ZNF599: variants seen among roughly 807,000 people sequenced by gnomAD.
ZNF599 encodes zinc finger protein 599.
Under a neutral mutation model 11.7 loss-of-function variants are expected in ZNF599, and 10 were observed. The observed-to-expected ratio is 0.86, with a 90% confidence interval of 0.53 to 1.45. ZNF599 has a LOEUF of 1.45. Among genes scored for constraint, ZNF599 ranks in the 40% most tolerant of loss-of-function variants. The probability of loss-of-function intolerance (pLI) is 0.00; values close to 1 mark genes in which losing one functional copy is unlikely to be tolerated. For missense variants in ZNF599, 688 were observed against 713.6 expected (o/e 0.96, Z 0.41); for synonymous variants, 232 against 253.2 (o/e 0.92, Z 0.79).
At chr19:34,762,558 T>G (rs2069119536) in intron 3 of ZNF599, among the ~76,000 whole-genome samples, 2 of 152,160 alleles carry the variant, frequency 1.3e-5, no homozygotes, top group African/African-American at 4.8e-5. Context: ...GCATTGTTTG[T>G]GATAACAAAA....
chr19:34,773,215 G>A lies in ZNF599; in HGVS notation c.-374C>T, dbSNP rs2069197975. 3.9e-6 allele frequency: 1 copy of A among 258,388 alleles called. No homozygotes were observed. The highest frequency in any genetic ancestry group is 6.9e-5 in the East Asian group (1 of 14,490). 16.0% of individuals were successfully genotyped at this position (258,388 alleles called of 1,614,324 possible). A position where few individuals can be genotyped will look rare whatever the true frequency, so the allele number is the denominator to read the frequency against. On this transcript the variant is annotated 5_prime_UTR_variant, in exon 1 of 4. Transcript: ENST00000329285. ...TAACGGCGGACGAAGACTGGACGCC[G>A]GAAGTCCCGCCCACGCCGCTACGGG...
At chr19:34,769,277 G>T in intron 2 of ZNF599, 152 bp downstream of exon 2, 1 of 918,654 alleles carries the variant, frequency 1.1e-6, no homozygotes, top group Non-Finnish European at 1.6e-6. Context: ...GAGACACAGG[G>T]AAACCCAGCA....
At chr19:34,781,751 C>T in the ZNF599 span, among the ~76,000 whole-genome samples, 2 of 152,142 alleles carry the variant, frequency 1.3e-5, no homozygotes, top group Non-Finnish European at 2.9e-5. Context: ...AAACATGAGC[C>T]CTAAGGGTGT....
chr19:34,800,288 G>T, the ZNF599 span, among the ~76,000 whole-genome samples: 1 of 152,128 alleles, frequency 6.6e-6, no homozygotes, highest in Non-Finnish European at 1.5e-5. Context: ...TTGCTCTGAA[G>T]TCTGATATTA....
At chr19:34,763,535 G>C (rs536922072) in intron 3 of ZNF599, 7 of 152,318 alleles carry the variant, frequency 4.6e-5, no homozygotes, top group African/African-American at 1.7e-4. Flanking sequence ...AGCACAAAGT[G>C]AGAAGGCGGC....
At chr19:34,794,762 C>T in the ZNF599 span, among the ~76,000 whole-genome samples, 24 of 151,852 alleles carry the variant, frequency 1.6e-4, no homozygotes, top group African/African-American at 3.6e-4. Context: ...GTAGAGACAG[C>T]GTTTCACCAT....
At chr19:34,762,017 A>G (rs1387218066) in intron 3 of ZNF599, among the ~76,000 whole-genome samples, 2 of 152,220 alleles carry the variant, frequency 1.3e-5, no homozygotes, top group Non-Finnish European at 2.9e-5. Flanking sequence ...ACAAAGAGGG[A>G]CTTCACAAGA....
In ZNF599 at chr19:34,772,963, G is replaced by A. The variant is rs2069194821; in HGVS notation, c.-122C>T. ...CTCAGTCCCCGCCGTCGTGTAAAAT[G>A]CACACAAGGTTCGCGGCGCCGCCTC... On this transcript the variant is annotated 5_prime_UTR_variant, in exon 1 of 4. Transcript: ENST00000329285. The A allele has an allele frequency of 8.2e-7, 1 of 1,213,070 alleles. No homozygotes were observed. The highest frequency in any genetic ancestry group is 1.7e-5 in the South Asian group (1 of 59,272). 75.1% of individuals were successfully genotyped at this position (1,213,070 alleles called of 1,614,324 possible).
chr19:34,784,197 G>A, the ZNF599 span, among the ~76,000 whole-genome samples: 1 of 152,074 alleles, frequency 6.6e-6, no homozygotes, highest in Non-Finnish European at 1.5e-5. Flanking sequence ...GCAATCCCTG[G>A]CATTCCTTGG....
the ZNF599 span, among the ~76,000 whole-genome samples, chr19:34,803,827 C>T: frequency 6.6e-6 from 1 of 152,164 alleles, no homozygotes; most frequent in African/African-American, 2.4e-5. Flanking sequence ...GTCCCAAATA[C>T]CAGAGCCCTA....
the ZNF599 span, among the ~76,000 whole-genome samples, chr19:34,778,950 T>A: frequency 6.6e-6 from 1 of 152,028 alleles, no homozygotes; most frequent in Non-Finnish European, 1.5e-5. Flanking sequence ...AAATCATGAG[T>A]CTTTACAGAA....
chr19:34,770,012 T>C (rs753951384), intron 1 of ZNF599, among the ~76,000 whole-genome samples: 3 of 152,238 alleles, frequency 2.0e-5, no homozygotes, highest in Non-Finnish European at 2.9e-5. Flanking sequence ...CTGCCAGATG[T>C]GTGACCTTGG....
chr19:34,759,195 CA>C lies in ZNF599; in HGVS notation c.1605del (p.Phe535LeufsTer16). 3 of 1,614,046 alleles carry C rather than the reference CA, an allele frequency of 1.9e-6. No individual in the cohort carries two copies. In the South Asian group the frequency reaches 3.3e-5, roughly 18 times the overall value. On this transcript the variant is annotated frameshift_variant, in exon 4 of 4. Coordinates refer to ENST00000329285, the MANE Select transcript of ZNF599 (RefSeq NM_001007248.3). LOFTEE classifies it low-confidence loss of function (END_TRUNC). ...HNRIHTGEKP[F>X]ECKECEKAFC... The stretch of plus-strand genomic sequence containing the variant: ...AAGGCTTTCTCACATTCTTTGCATT[CA>C]AAAGGTTTTTCTCCAGTGTGGATCC...
chr19:34,800,582 CTTTG>C, the ZNF599 span, among the ~76,000 whole-genome samples: 168 of 73,812 alleles, frequency 2.3e-3, 1 homozygote, highest in African/African-American at 7.9e-3. Context: ...CTAGCATTTC[CTTTG>C]TTTTTTTTTT....
the ZNF599 span, among the ~76,000 whole-genome samples, chr19:34,797,499 T>C: frequency 6.6e-6 from 1 of 152,000 alleles, no homozygotes; most frequent in Non-Finnish European, 1.5e-5. Context: ...TTTTAATGAT[T>C]GCCATTCTAA....
chr19:34,802,817 C>T, the ZNF599 span, among the ~76,000 whole-genome samples: 1 of 152,184 alleles, frequency 6.6e-6, no homozygotes, highest in African/African-American at 2.4e-5. Context: ...CACTAAGAAG[C>T]ACCCATAGCT....
rs1169669481 is a variant in ZNF599 at position 34,760,570 on chromosome 19, T to A, written c.242-11A>T. Reference sequence around the variant, plus strand: ...GTTTTGCTTTTTCACCTGAAGGAAATCCAATATAAAAAAAACTGAACATTA... The same window carrying A: ...GTTTTGCTTTTTCACCTGAAGGAAAACCAATATAAAAAAAACTGAACATTA... On this transcript the variant is annotated splice_polypyrimidine_tract_variant and intron_variant, in intron 3 of 3. Coordinates refer to ENST00000329285, the MANE Select transcript of ZNF599 (RefSeq NM_001007248.3). 5 of 1,576,314 alleles carry A rather than the reference T, an allele frequency of 3.2e-6. No homozygotes were observed. Among genetic ancestry groups the A allele is most frequent in the Admixed American group, 3.9e-5 (2 of 51,024 alleles).
At chr19:34,799,177 A>AT in the ZNF599 span, among the ~76,000 whole-genome samples, 1 of 151,824 alleles carries the variant, frequency 6.6e-6, no homozygotes. Context: ...TAATTTTTGT[A>AT]TTTTTTGTAG....
the ZNF599 span, among the ~76,000 whole-genome samples, chr19:34,784,792 C>T: frequency 2.0e-3 from 305 of 151,800 alleles, 2 homozygotes; most frequent in African/African-American, 6.9e-3. Flanking sequence ...AGATCCTGAT[C>T]TTCCCCATAT....
Sources: allele counts gnomAD v4.1 joint callset (sites outside exome capture counted in the v4.1 genomes callset), GRCh38; gene constraint gnomAD v4.1.1; transcripts MANE v1.5; gene names NCBI Gene and HGNC (gene_info 2026-07-23, HGNC 2026-07-21).